The following MARCHF1 variants were observed in gnomAD, a reference collection of about 807,000 sequenced individuals.
The protein encoded by MARCHF1 is membrane associated ring-CH-type finger 1, also known as E3 ubiquitin-protein ligase MARCHF1.
In MARCHF1, 40 loss-of-function variants were observed where a neutral mutation model predicts 54.2. The ratio of observed to expected loss-of-function variants is 0.74; its 90% confidence interval spans 0.57 to 0.96. The LOEUF (loss-of-function observed/expected upper bound fraction) is 0.96. MARCHF1 is among the 40% of genes least tolerant of loss of function. The pLI, the probability that MARCHF1 is intolerant of heterozygous loss-of-function variation, is 0.00. For synonymous variants in MARCHF1, 236 were observed against 236.3 expected (o/e 1.00, Z 0.01); for missense variants, 586 against 656.5 (o/e 0.89, Z 1.17).
chr4:164,021,867 T>TTATATATATATA (rs375853031), intron 2 of MARCHF1, among the ~76,000 whole-genome samples: 1 of 146,996 alleles, frequency 6.8e-6, no homozygotes, highest in African/African-American at 2.5e-5. Flanking sequence ...AAAAAAAAAA[T>TTATATATATATA]TATATATATA....
intron 1 of MARCHF1, among the ~76,000 whole-genome samples, chr4:164,274,885 C>A (rs1490994674): frequency 6.6e-6 from 1 of 150,580 alleles, no homozygotes; most frequent in Non-Finnish European, 1.5e-5. Context: ...ACCGTGTTAG[C>A]CAGGATGGTC....
intron 1 of MARCHF1, among the ~76,000 whole-genome samples, chr4:164,238,569 C>G (rs921473083): frequency 2.6e-5 from 4 of 151,658 alleles, no homozygotes; most frequent in African/African-American, 4.8e-5. Context: ...TAAATATTAT[C>G]TAAAAAGTAA....
chr4:163,949,481 G>A (rs1752089092), intron 3 of MARCHF1, among the ~76,000 whole-genome samples: 1 of 152,228 alleles, frequency 6.6e-6, no homozygotes. Context: ...TGGTGAGAAA[G>A]GGGCCTGTGT....
intron 1 of MARCHF1, among the ~76,000 whole-genome samples, chr4:164,245,318 C>G (rs1026549460): frequency 1.3e-5 from 2 of 152,072 alleles, no homozygotes; most frequent in African/African-American, 4.8e-5. Flanking sequence ...TAAACGTAAT[C>G]CAGCATATAA....
intron 1 of MARCHF1, among the ~76,000 whole-genome samples, chr4:164,369,106 C>T (rs1040325151): frequency 6.6e-6 from 1 of 151,912 alleles, no homozygotes; most frequent in Non-Finnish European, 1.5e-5. Flanking sequence ...TGGGCTGCTC[C>T]GGGGATGAGG....
At chr4:164,224,974 C>A (rs1732210359) in intron 1 of MARCHF1, among the ~76,000 whole-genome samples, 1 of 151,934 alleles carries the variant, frequency 6.6e-6, no homozygotes, top group Non-Finnish European at 1.5e-5. Flanking sequence ...AACAAATAGA[C>A]AGACATGCAT....
chr4:163,679,403 A>G (rs1429405902), intron 5 of MARCHF1, among the ~76,000 whole-genome samples: 1 of 152,100 alleles, frequency 6.6e-6, no homozygotes, highest in Admixed American at 6.6e-5. Context: ...AGATGGCAGC[A>G]CGTGGCCCCA....
intron 1 of MARCHF1, among the ~76,000 whole-genome samples, chr4:164,122,401 G>A (rs1471691678): frequency 6.6e-6 from 1 of 151,986 alleles, no homozygotes; most frequent in African/African-American, 2.4e-5. Flanking sequence ...TCAAGATGGC[G>A]GCTCCATCTT....
In MARCHF1 at chr4:163,816,107, C is replaced by T. The variant is rs183954599; in HGVS notation, c.111+37914G>A. On this transcript the variant is annotated intron_variant, in intron 4 of 9. Transcript: ENST00000514618. ...ATTTCTACTAAATGAACAATAAAATCGCACTTCTAAGAAGAATGTCTGGAG... is the reference window on the plus strand; with the variant it reads ...ATTTCTACTAAATGAACAATAAAATTGCACTTCTAAGAAGAATGTCTGGAG... 4.4e-3 allele frequency among the ~76,000 whole-genome samples: 663 copies of T among 152,226 alleles called. 3 individuals are homozygous for T. Among genetic ancestry groups the T allele is most frequent in the Non-Finnish European group, 7.2e-3 (488 of 68,010 alleles).
At chr4:164,117,009 G>A (rs1755951885) in intron 1 of MARCHF1, among the ~76,000 whole-genome samples, 2 of 152,098 alleles carry the variant, frequency 1.3e-5, no homozygotes, top group Admixed American at 6.5e-5. Context: ...TGTAATGCCA[G>A]CACTTTGGGA....
chr4:164,338,470 G>C (rs1729822749), intron 1 of MARCHF1, among the ~76,000 whole-genome samples: 1 of 152,066 alleles, frequency 6.6e-6, no homozygotes. Flanking sequence ...ATTCTCAAAA[G>C]ACAGGGTGGC....
chr4:163,857,361 C>G (rs1186983851), intron 3 of MARCHF1, among the ~76,000 whole-genome samples: 1 of 152,140 alleles, frequency 6.6e-6, no homozygotes, highest in East Asian at 1.9e-4. Context: ...TCTTCCTACA[C>G]AGGTCTGGAG....
chr4:163,828,188 G>A (rs898369463), intron 4 of MARCHF1, among the ~76,000 whole-genome samples: 1 of 152,086 alleles, frequency 6.6e-6, no homozygotes, highest in Non-Finnish European at 1.5e-5. Context: ...TATCTTGAAT[G>A]ACACTATTAG....
At chr4:163,633,283 C>T (rs572081677) in intron 5 of MARCHF1, among the ~76,000 whole-genome samples, 73 of 152,080 alleles carry the variant, frequency 4.8e-4, no homozygotes, top group South Asian at 1.0e-3. Context: ...AGGCTTCAGA[C>T]GATCAAATTA....
At chr4:163,958,558 G>A (rs1752277641) in intron 3 of MARCHF1, among the ~76,000 whole-genome samples, 1 of 151,824 alleles carries the variant, frequency 6.6e-6, no homozygotes, top group East Asian at 1.9e-4. Flanking sequence ...TACATATTGA[G>A]GAAAAACCTG....
At chr4:164,220,079 T>C (rs1013161542) in intron 1 of MARCHF1, among the ~76,000 whole-genome samples, 1 of 151,844 alleles carries the variant, frequency 6.6e-6, no homozygotes, top group Admixed American at 6.6e-5. Context: ...AAATGGACTA[T>C]CTAAATCCCT....
intron 4 of MARCHF1, among the ~76,000 whole-genome samples, chr4:163,825,156 T>C (rs1307331054): frequency 1.3e-5 from 2 of 152,008 alleles, no homozygotes; most frequent in East Asian, 1.9e-4. Context: ...TGTCTCTGTG[T>C]CCATATGTGA....
At chr4:164,219,377 A>G (rs888661302) in intron 1 of MARCHF1, among the ~76,000 whole-genome samples, 1 of 152,138 alleles carries the variant, frequency 6.6e-6, no homozygotes, top group Non-Finnish European at 1.5e-5. Context: ...GTTATTTTTC[A>G]TCTCATCTAA....
At chr4:164,375,039 T>C (rs1378185104) in intron 1 of MARCHF1, among the ~76,000 whole-genome samples, 1 of 152,134 alleles carries the variant, frequency 6.6e-6, no homozygotes, top group Non-Finnish European at 1.5e-5. Context: ...AAGTGGAAAA[T>C]AATTTGTCTC....
Sources: allele counts gnomAD v4.1 joint callset (sites outside exome capture counted in the v4.1 genomes callset), GRCh38; gene constraint gnomAD v4.1.1; transcripts MANE v1.5; gene names NCBI Gene and HGNC (gene_info 2026-07-23, HGNC 2026-07-21).